FANK1: variants seen among roughly 807,000 people sequenced by gnomAD.
The protein encoded by FANK1 is fibronectin type III and ankyrin repeat domains 1, also known as fibronectin type 3 and ankyrin repeat domains protein 1.
FANK1 carries 44 observed loss-of-function variants against 45.3 expected under a neutral mutation model. The ratio of observed to expected loss-of-function variants is 0.97; its 90% CI spans 0.76 to 1.25. The LOEUF is 1.25. Among genes scored for constraint, FANK1 ranks in the 50% most tolerant of loss-of-function variants. The pLI is 0.00. For synonymous variants in FANK1, 149 were observed against 152.5 expected, an observed-to-expected ratio of 0.98 and a Z score of 0.17; for missense variants, 391 against 424.4, an observed-to-expected ratio of 0.92 and a Z score of 0.69.
intron 1 of FANK1, among the ~76,000 whole-genome samples, chr10:125,967,896 G>C (rs1299909205): frequency 6.6e-6 from 1 of 152,170 alleles, no homozygotes; most frequent in Non-Finnish European, 1.5e-5. Context: ...CAAAGTAGGA[G>C]ATCTTACAAC....
At chr10:125,928,261 CTTTTTTT>C (rs34889746) in intron 1 of FANK1, among the ~76,000 whole-genome samples, 2,448 of 137,700 alleles carry the variant, frequency 0.018, 40 homozygotes, top group South Asian at 0.034. Flanking sequence ...TTATTCGTGC[CTTTTTTT>C]TTTTTTTTTT....
intron 6 of FANK1, 146 bp from the exon 7 acceptor site, chr10:126,004,738 G>T: frequency 1.4e-6 from 1 of 699,276 alleles, no homozygotes; most frequent in Non-Finnish European, 2.4e-6. Context: ...ATCAGTTGAT[G>T]GATACGTGTA....
At chr10:125,967,021 TATC>T (rs1564922202) in intron 1 of FANK1, among the ~76,000 whole-genome samples, 1 of 152,242 alleles carries the variant, frequency 6.6e-6, no homozygotes, top group African/African-American at 2.4e-5. Context: ...TTCCTTAGTA[TATC>T]ATCTTCCACA....
At chr10:125,980,740 CTT>C (rs1232811015) in intron 2 of FANK1, 2 of 173,788 alleles carry the variant, frequency 1.2e-5, no homozygotes, top group Non-Finnish European at 2.4e-5. Context: ...TGTCAACTCT[CTT>C]ATACCACGCT....
intron 1 of FANK1, among the ~76,000 whole-genome samples, chr10:125,952,275 A>C (rs115572076): frequency 0.012 from 1,795 of 152,078 alleles, 22 homozygotes; most frequent in African/African-American, 0.04. Context: ...GAAAACTTTT[A>C]TTTTAACTAG....
rs1347036810 is a variant in FANK1, at chr10:125,943,525, A to G, written c.14-36636A>G. On this transcript the variant is annotated intron_variant, in intron 1 of 10. Transcript: ENST00000368693. ...TTTCCTCTTCTTCCAGCCCTTTGCA[A>G]CCACTAATCTACTTTGTCTGATTTG... Among the ~76,000 whole-genome samples the G allele has an allele frequency of 2.6e-5, 4 of 152,230 alleles. No homozygotes were observed. The East Asian group carries it at 7.7e-4, about 29-fold the overall frequency.
chr10:125,933,782 TCCTCTTAGCACCA>T (rs1429397475), intron 1 of FANK1, among the ~76,000 whole-genome samples: 6 of 152,184 alleles, frequency 3.9e-5, no homozygotes, highest in Non-Finnish European at 7.3e-5. Flanking sequence ...CTATGAACTT[TCCTCTTAGCACCA>T]CCTTTGCTGT....
chr10:125,964,186 CTTTTTTTTTTTTT>C (rs71486557), intron 1 of FANK1, among the ~76,000 whole-genome samples: 294 of 78,460 alleles, frequency 3.7e-3, no homozygotes, highest in Non-Finnish European at 5.5e-3. Flanking sequence ...TTCTCTCTCT[CTTTTTTTTTTTTT>C]TTTTTTTTTT....
At chr10:125,997,270 TG>T in intron 5 of FANK1, 149 bp from the exon 6 acceptor site, 1 of 496,028 alleles carries the variant, frequency 2.0e-6, no homozygotes. Flanking sequence ...TAATGGTGCC[TG>T]GTTTTAAAAC....
At chr10:125,982,344 T>C (rs1951275423) in intron 2 of FANK1, among the ~76,000 whole-genome samples, 1 of 152,160 alleles carries the variant, frequency 6.6e-6, no homozygotes. Flanking sequence ...TTGTCTGCAT[T>C]CTCCCCAGAG....
At chr10:125,958,272 T>A (rs75115960) in intron 1 of FANK1, among the ~76,000 whole-genome samples, 1 of 152,190 alleles carries the variant, frequency 6.6e-6, no homozygotes, top group Non-Finnish European at 1.5e-5. Flanking sequence ...ACATTTTTTT[T>A]AGCTTCTGTA....
At chr10:125,916,333 G>A (rs1164063250) in intron 1 of FANK1, among the ~76,000 whole-genome samples, 1 of 152,042 alleles carries the variant, frequency 6.6e-6, no homozygotes, top group South Asian at 2.1e-4. Flanking sequence ...AGACATGAGG[G>A]CTCTTAAATA....
At chr10:125,900,126 T>G (rs1245940117) in intron 1 of FANK1, among the ~76,000 whole-genome samples, 1 of 152,304 alleles carries the variant, frequency 6.6e-6, no homozygotes, top group Non-Finnish European at 1.5e-5. Flanking sequence ...CTACCACTGT[T>G]TTACAGAATA....
intron 1 of FANK1, among the ~76,000 whole-genome samples, chr10:125,940,662 G>T (rs960603281): frequency 6.6e-6 from 1 of 152,060 alleles, no homozygotes; most frequent in African/African-American, 2.4e-5. Flanking sequence ...TCATTTACAG[G>T]TGTCGGGCTG....
chr10:125,942,277 C>T (rs752207867), intron 1 of FANK1, among the ~76,000 whole-genome samples: 2 of 152,254 alleles, frequency 1.3e-5, no homozygotes, highest in South Asian at 4.1e-4. Context: ...ACAATTTGTT[C>T]TTAGAAAAAT....
chr10:125,941,022 T>C (rs375741945), intron 1 of FANK1, among the ~76,000 whole-genome samples: 2 of 152,234 alleles, frequency 1.3e-5, no homozygotes, highest in African/African-American at 2.4e-5. Flanking sequence ...CAGTTTCTTA[T>C]GTGTTCCTTT....
intron 1 of FANK1, among the ~76,000 whole-genome samples, chr10:125,968,522 A>G (rs1340484420): frequency 6.6e-6 from 1 of 152,110 alleles, no homozygotes; most frequent in Non-Finnish European, 1.5e-5. Context: ...TATATAGTGA[A>G]TATATTTATA....
chr10:125,940,206 C>T (rs1053776286), intron 1 of FANK1, among the ~76,000 whole-genome samples: 1 of 152,100 alleles, frequency 6.6e-6, no homozygotes, highest in Admixed American at 6.5e-5. Context: ...GAGACCGGTG[C>T]TCAGCATACG....
intron 1 of FANK1, among the ~76,000 whole-genome samples, chr10:125,979,459 A>T (rs1054613459): frequency 6.6e-6 from 1 of 152,134 alleles, no homozygotes; most frequent in Admixed American, 6.5e-5. Flanking sequence ...GCCCTCTAAA[A>T]AGGCGATAAT....
Sources: allele counts gnomAD v4.1 joint callset (sites outside exome capture counted in the v4.1 genomes callset), GRCh38; gene constraint gnomAD v4.1.1; transcripts MANE v1.5; gene names NCBI Gene and HGNC (gene_info 2026-07-23, HGNC 2026-07-21).